UBR1: variants seen among roughly 807,000 people sequenced by gnomAD.
The protein encoded by UBR1 is E3 ubiquitin-protein ligase UBR1.
Under a neutral mutation model 242.1 loss-of-function variants are expected in UBR1, and 102 were observed. The ratio of observed to expected loss-of-function variants is 0.42; its 90% CI spans 0.36 to 0.50. The LOEUF (loss-of-function observed/expected upper bound fraction) is 0.50. Ranked by LOEUF, UBR1 falls within the 20% of genes least tolerant of loss-of-function variation. The pLI is 0.01. For missense variants in UBR1, 1,772 were observed against 2,101.8 expected (o/e 0.84, Z 3.07); for synonymous variants, 675 against 684.8 (o/e 0.99, Z 0.22).
At chr15:42,999,319 G>A (rs2032688274) in intron 32 of UBR1, among the ~76,000 whole-genome samples, 1 of 152,142 alleles carries the variant, frequency 6.6e-6, no homozygotes, top group Admixed American at 6.5e-5. Context: ...ACTTTATTCA[G>A]GTCTCTGTTC....
intron 6 of UBR1, among the ~76,000 whole-genome samples, chr15:43,067,600 T>C (rs1353473354): frequency 6.6e-6 from 1 of 152,222 alleles, no homozygotes; most frequent in Admixed American, 6.5e-5. Context: ...ACTTATTCAT[T>C]CATTCAATAA....
intron 10 of UBR1, among the ~76,000 whole-genome samples, chr15:43,056,988 C>T (rs1163990819): frequency 2.0e-5 from 3 of 152,088 alleles, no homozygotes; most frequent in African/African-American, 7.2e-5. Context: ...GGAATATACT[C>T]AGTCACATAA....
intron 1 of UBR1, among the ~76,000 whole-genome samples, chr15:43,094,808 A>G (rs2034140673): frequency 1.3e-5 from 2 of 152,240 alleles, no homozygotes; most frequent in African/African-American, 4.8e-5. Flanking sequence ...TAAGTCTTCT[A>G]TGCCTTTATG....
rs572822262 is a variant in UBR1 at position 42,999,512 on chromosome 15, G to T, written c.3660-1247C>A. On this transcript the variant is annotated intron_variant, in intron 32 of 46. Transcript: ENST00000290650. ...CTTCCTAAAATGGACGTAAGGACAG[G>T]GACTTGAGACAGACTGTTATTAAGA... Among the ~76,000 whole-genome samples, 70 of 152,200 alleles carry T rather than the reference G, an allele frequency of 4.6e-4. No homozygotes were observed. The South Asian group carries it at 0.012, about 27-fold the overall frequency.
intron 40 of UBR1, among the ~76,000 whole-genome samples, chr15:42,970,173 C>T (rs949778187): frequency 2.6e-5 from 4 of 152,086 alleles, no homozygotes; most frequent in Admixed American, 1.3e-4. Context: ...AGAACAGAGG[C>T]CTCAGAAATA....
At chr15:43,103,419 CT>C (rs2034261878) in intron 1 of UBR1, among the ~76,000 whole-genome samples, 1 of 152,150 alleles carries the variant, frequency 6.6e-6, no homozygotes, top group Non-Finnish European at 1.5e-5. Flanking sequence ...TTACTGATAA[CT>C]TCCAAATACC....
intron 4 of UBR1, among the ~76,000 whole-genome samples, chr15:43,072,493 C>T (rs1490970402): frequency 6.6e-6 from 1 of 152,198 alleles, no homozygotes; most frequent in East Asian, 1.9e-4. Flanking sequence ...TTTACTTCTC[C>T]CTTTCCAACG....
At position 42,952,426 on chromosome 15, in the gene UBR1, C is replaced by T. The variant is rs767972972; in HGVS notation, c.4858G>A (p.Glu1620Lys). ...AGGCAGAGGACAGGATGCTTTCGCT[C>T]ATCATCTGCAGACCGTGGGCACCTC... is the stretch of plus-strand genomic sequence containing the variant. ...HFRCPRSADDERKHPVLCLFC... is the reference protein window; with the variant it reads ...HFRCPRSADDKRKHPVLCLFC... Residue 1620 changes from glutamate to lysine, a missense_variant, in exon 45 of 47, where the codon GAG becomes AAG. Transcript: ENST00000290650. 5 of 1,614,116 alleles carry T rather than the reference C, an allele frequency of 3.1e-6. No individual in the cohort carries two copies. The highest frequency in any genetic ancestry group is 1.1e-5 in the South Asian group (1 of 91,088).
chr15:43,038,286 T>C (rs1052911933), intron 15 of UBR1, 54 bp from the exon 16 acceptor site: 4 of 1,542,744 alleles, frequency 2.6e-6, no homozygotes, highest in East Asian at 2.2e-5. Context: ...ATTTGTTAAC[T>C]AGTTAACTCA....
chr15:43,093,141 T>A (rs897305564), intron 1 of UBR1, among the ~76,000 whole-genome samples: 2 of 152,200 alleles, frequency 1.3e-5, no homozygotes, highest in Non-Finnish European at 2.9e-5. Context: ...TTCCCAAACA[T>A]TCCAAACATT....
chr15:42,981,631 A>G (rs2032380203), intron 37 of UBR1, among the ~76,000 whole-genome samples: 1 of 152,086 alleles, frequency 6.6e-6, no homozygotes, highest in African/African-American at 2.4e-5. Flanking sequence ...CTGGGACTAC[A>G]GGCGCCCGCC....
intron 40 of UBR1, among the ~76,000 whole-genome samples, chr15:42,969,669 T>C (rs2032170501): frequency 6.6e-6 from 1 of 152,164 alleles, no homozygotes; most frequent in South Asian, 2.1e-4. Flanking sequence ...ACAAAATCAA[T>C]GTGCAAAAAT....
At chr15:43,099,816 C>G (rs886328002) in intron 1 of UBR1, among the ~76,000 whole-genome samples, 2 of 151,758 alleles carry the variant, frequency 1.3e-5, no homozygotes, top group Admixed American at 6.6e-5. Context: ...GTCTGAGACA[C>G]GCTACATAAA....
intron 21 of UBR1, 78 bp downstream of exon 21, chr15:43,029,865 GA>G (rs1163218221): frequency 9.6e-6 from 15 of 1,566,766 alleles, no homozygotes; most frequent in Admixed American, 6.7e-5. Flanking sequence ...CTAAAATTTT[GA>G]AGTAGTTTCC....
chr15:43,041,755 A>C (rs918446263), intron 15 of UBR1, among the ~76,000 whole-genome samples: 1 of 152,192 alleles, frequency 6.6e-6, no homozygotes, highest in Non-Finnish European at 1.5e-5. Flanking sequence ...AACCCACAGA[A>C]TGGGAGAAAA....
intron 44 of UBR1, among the ~76,000 whole-genome samples, chr15:42,957,662 C>A: frequency 6.6e-6 from 1 of 152,092 alleles, no homozygotes; most frequent in Non-Finnish European, 1.5e-5. Flanking sequence ...ATCACTTGAG[C>A]CCAGGAGTTC....
At chr15:43,035,272 T>A (rs1364751498) in intron 19 of UBR1, among the ~76,000 whole-genome samples, 1 of 152,258 alleles carries the variant, frequency 6.6e-6, no homozygotes, top group Non-Finnish European at 1.5e-5. Context: ...AGCAGTGTTT[T>A]TCATGTGATT....
chr15:43,045,460 T>C (rs1052320458), intron 14 of UBR1, among the ~76,000 whole-genome samples: 3 of 151,828 alleles, frequency 2.0e-5, no homozygotes, highest in Admixed American at 6.6e-5. Context: ...GAGTAAGACC[T>C]TGTCTCTAAA....
chr15:42,969,415 A>T (rs1263504992), intron 40 of UBR1, among the ~76,000 whole-genome samples: 2 of 152,190 alleles, frequency 1.3e-5, no homozygotes, highest in African/African-American at 4.8e-5. Flanking sequence ...TCTGGATATT[A>T]GCCCTTTGTC....
Sources: allele counts gnomAD v4.1 joint callset (sites outside exome capture counted in the v4.1 genomes callset), GRCh38; gene constraint gnomAD v4.1.1; transcripts MANE v1.5; gene names NCBI Gene and HGNC (gene_info 2026-07-23, HGNC 2026-07-21).